Variants in CUL1 observed in about 807,000 individuals in gnomAD.
The protein encoded by CUL1 is cullin 1.
Under a neutral mutation model 118.0 loss-of-function variants are expected in CUL1, and 24 were observed. That is an observed-to-expected ratio of 0.20 (90% CI 0.15 to 0.29). The LOEUF (loss-of-function observed/expected upper bound fraction) is 0.29. Ranked by LOEUF, CUL1 falls within the 10% of genes least tolerant of loss-of-function variation. CUL1 has a pLI of 1.00. For missense variants in CUL1, 361 were observed against 933.8 expected, an observed-to-expected ratio of 0.39 and a Z score of 7.99; for synonymous variants, 332 against 340.4, an observed-to-expected ratio of 0.98 and a Z score of 0.27.
chr7:148,730,369 T>G, intron 2 of CUL1, 107 bp downstream of exon 2: 1 of 1,262,360 alleles, frequency 7.9e-7, no homozygotes, highest in Non-Finnish European at 1.1e-6. Flanking sequence ...CAGTTCATCA[T>G]GTAAAATAAT....
At chr7:148,720,896 C>T (rs890702956) in intron 1 of CUL1, among the ~76,000 whole-genome samples, 2 of 152,352 alleles carry the variant, frequency 1.3e-5, no homozygotes, top group Admixed American at 6.5e-5. Flanking sequence ...TTAAAATCCT[C>T]AACAGAGGTT....
At chr7:148,725,211 A>G (rs35840662) in intron 1 of CUL1, among the ~76,000 whole-genome samples, 63,198 of 142,836 alleles carry the variant, frequency 0.44, 14,297 homozygotes, top group South Asian at 0.67. Flanking sequence ...ACACACACAC[A>G]CGCGCGCGCT....
intron 1 of CUL1, among the ~76,000 whole-genome samples, chr7:148,708,507 A>G (rs1452086644): frequency 6.6e-6 from 1 of 152,198 alleles, no homozygotes; most frequent in Non-Finnish European, 1.5e-5. Context: ...TGCGCTGCTG[A>G]TTGCTGCTTC....
Position 148,797,922 on chromosome 7 carries a change from A to G in CUL1, c.1948-15A>G. The G allele has an allele frequency of 1.2e-6, 2 of 1,612,038 alleles. No individual in the cohort carries two copies. Among genetic ancestry groups the G allele is most frequent in the Middle Eastern group, 1.7e-4 (1 of 6,058 alleles). ...CTTTTCCTGAGATTGTAGAGTAACA[A>G]TTGTTTTCTTACAGGTCTTGGAAGA... is the stretch of plus-strand genomic sequence containing the variant. On this transcript the variant is annotated splice_polypyrimidine_tract_variant and intron_variant, in intron 18 of 21. Transcript: ENST00000325222.
chr7:148,744,063 C>G (rs1799230863), intron 2 of CUL1, among the ~76,000 whole-genome samples: 1 of 152,118 alleles, frequency 6.6e-6, no homozygotes, highest in Non-Finnish European at 1.5e-5. Context: ...TAGTTATTAG[C>G]TTCTTTAACC....
At chr7:148,698,057 G>C (rs1797579118), upstream of CUL1, 2 of 152,230 alleles carry the variant, frequency 1.3e-5, no homozygotes, top group Non-Finnish European at 2.9e-5. Context: ...GGAAAGCCTA[G>C]TTAGGTTTTA....
intron 2 of CUL1, among the ~76,000 whole-genome samples, chr7:148,746,725 G>A (rs1046263280): frequency 6.6e-6 from 1 of 152,160 alleles, no homozygotes; most frequent in Non-Finnish European, 1.5e-5. Context: ...TCTAAAACAG[G>A]TGATTCTTTA....
intron 14 of CUL1, 93 bp from the exon 15 acceptor site, chr7:148,789,657 A>T (rs918445232): frequency 5.5e-6 from 5 of 916,742 alleles, no homozygotes; most frequent in Non-Finnish European, 8.8e-6. Flanking sequence ...ATAAAGAGCA[A>T]TCCACATTCA....
Position 148,775,676 on chromosome 7 carries a change from G to A in CUL1, c.1083+7927G>A, listed in dbSNP as rs570803204. ...TAATATACATTGATTCATATAGCACGTAGCTAAATTTGTGAATTACAGGTA... is the reference window on the plus strand; with the variant it reads ...TAATATACATTGATTCATATAGCACATAGCTAAATTTGTGAATTACAGGTA... On this transcript the variant is annotated intron_variant, in intron 9 of 21. Coordinates refer to ENST00000325222, the MANE Select transcript of CUL1 (RefSeq NM_003592.3). Among the ~76,000 whole-genome samples, 141 of 152,236 alleles carry A rather than the reference G, an allele frequency of 9.3e-4. 1 individual carries two copies. The South Asian group carries it at 0.01, about 11-fold the overall frequency.
At chr7:148,776,647 C>T (rs563201998) in intron 9 of CUL1, among the ~76,000 whole-genome samples, 1 of 152,108 alleles carries the variant, frequency 6.6e-6, no homozygotes, top group South Asian at 2.1e-4. Flanking sequence ...CAACATACAC[C>T]CTTCTTTCTC....
Position 148,800,963 on chromosome 7 carries a change from A to G in CUL1, c.*381A>G, listed in dbSNP as rs552178464. 6 of 169,346 alleles carry G rather than the reference A, an allele frequency of 3.5e-5. No homozygotes were observed. The highest frequency in any genetic ancestry group is 1.4e-4 in the African/African-American group (6 of 42,054). The allele number at this position is 169,346 out of a possible 1,614,324, so 10.5% of individuals were successfully genotyped here. A position where few individuals can be genotyped will look rare whatever the true frequency, so the allele number is the denominator to read the frequency against. ...TGAGTGGACCCACATGTAACCTGCT[A>G]TGAAAACCATTTGTATAGTGTGTTT... is the stretch of plus-strand genomic sequence containing the variant. On this transcript the variant is annotated 3_prime_UTR_variant, in exon 22 of 22. Coordinates refer to ENST00000325222, the MANE Select transcript of CUL1 (RefSeq NM_003592.3). The surrounding 1 kb of genome is among the most constrained non-coding windows in gnomAD (Gnocchi z 4.6).
At chr7:148,788,247 T>C (rs1468600746) in intron 13 of CUL1, among the ~76,000 whole-genome samples, 1 of 152,246 alleles carries the variant, frequency 6.6e-6, no homozygotes, top group African/African-American at 2.4e-5. Context: ...TGGTAAGAGA[T>C]AGAGACAGAT....
intron 1 of CUL1, among the ~76,000 whole-genome samples, chr7:148,715,036 G>T (rs1798169946): frequency 1.3e-5 from 2 of 152,130 alleles, no homozygotes; most frequent in African/African-American, 2.4e-5. Context: ...TTTGAATAAG[G>T]TATGTGGTTT....
At chr7:148,702,701 A>C (rs1220576796) in intron 1 of CUL1, among the ~76,000 whole-genome samples, 1 of 152,150 alleles carries the variant, frequency 6.6e-6, no homozygotes. Flanking sequence ...CTGACGGCTC[A>C]CACATCACCA....
At chr7:148,773,525 C>T (rs183821704) in intron 9 of CUL1, among the ~76,000 whole-genome samples, 19 of 152,300 alleles carry the variant, frequency 1.2e-4, no homozygotes, top group Admixed American at 2.6e-4. Flanking sequence ...GCGAAGCTCA[C>T]GCCTCATTAT....
At chr7:148,716,108 C>T (rs550011660) in intron 1 of CUL1, among the ~76,000 whole-genome samples, 3 of 152,224 alleles carry the variant, frequency 2.0e-5, no homozygotes, top group African/African-American at 7.2e-5. Context: ...TGCTTGAGAT[C>T]CTGCAGGCCA....
chr7:148,730,905 G>T (rs1254259914), intron 2 of CUL1, among the ~76,000 whole-genome samples: 1 of 152,100 alleles, frequency 6.6e-6, no homozygotes, highest in Non-Finnish European at 1.5e-5. Context: ...TCAACTACCT[G>T]CACTCAAGCA....
At chr7:148,708,949 A>G (rs1383552725) in intron 1 of CUL1, among the ~76,000 whole-genome samples, 1 of 152,236 alleles carries the variant, frequency 6.6e-6, no homozygotes, top group African/African-American at 2.4e-5. Flanking sequence ...TAAATAATTC[A>G]CTGATTATAA....
At chr7:148,721,429 A>T in intron 1 of CUL1, among the ~76,000 whole-genome samples, 1 of 151,288 alleles carries the variant, frequency 6.6e-6, no homozygotes, top group Admixed American at 6.6e-5. Flanking sequence ...TGGAAAGTAG[A>T]AACTGCAGTG....
Sources: allele counts gnomAD v4.1 joint callset (sites outside exome capture counted in the v4.1 genomes callset), GRCh38; gene constraint gnomAD v4.1.1; non-coding constraint Gnocchi (gnomAD v3.1); transcripts MANE v1.5; gene names NCBI Gene and HGNC (gene_info 2026-07-23, HGNC 2026-07-21).